PREX2: variants seen among roughly 807,000 people sequenced by gnomAD.
PREX2 encodes phosphatidylinositol 3,4,5-trisphosphate-dependent Rac exchanger 2 protein.
Under a neutral mutation model 203.2 loss-of-function variants are expected in PREX2, and 107 were observed. The ratio of observed to expected loss-of-function variants is 0.53; its 90% CI spans 0.45 to 0.62. The LOEUF is 0.62. Ranked by LOEUF, PREX2 falls within the 20% of genes least tolerant of loss-of-function variation. PREX2 has a pLI of 0.00. For missense variants in PREX2, 1,777 were observed against 1,955.9 expected (o/e 0.91, Z 1.72); for synonymous variants, 672 against 663.6 (o/e 1.01, Z -0.19).
In PREX2 at chr8:68,140,015, A is replaced by G. The variant is rs186519972; in HGVS notation, c.4087+1498A>G. ...TGTTGTTTAAAGTTTTGCCTGAGGAACTGTAAGTTCATAGGAGTACTGTTT... is the reference window on the plus strand; with the variant it reads ...TGTTGTTTAAAGTTTTGCCTGAGGAGCTGTAAGTTCATAGGAGTACTGTTT... On this transcript the variant is annotated intron_variant, in intron 33 of 39. Coordinates refer to ENST00000288368, the MANE Select transcript of PREX2 (RefSeq NM_024870.4). Among the ~76,000 whole-genome samples the G allele has an allele frequency of 1.4e-3, 209 of 152,288 alleles. 1 individual carries two copies. The highest frequency in any genetic ancestry group is 6.8e-3 in the Middle Eastern group (2 of 294).
chr8:68,055,778 G>T, intron 9 of PREX2, 52 bp from the exon 10 acceptor site: 3 of 1,533,188 alleles, frequency 2.0e-6, no homozygotes, highest in South Asian at 2.3e-5. Context: ...ATAACTGAAT[G>T]AATGAATGAA....
intron 11 of PREX2, among the ~76,000 whole-genome samples, chr8:68,065,171 C>T (rs563975699): frequency 6.6e-6 from 1 of 152,330 alleles, no homozygotes; most frequent in African/African-American, 2.4e-5. Context: ...AAGGCAGAAG[C>T]ATTTGCCTTA....
Position 68,109,634 on chromosome 8 carries a change from T to C in PREX2, c.3146+11T>C. On this transcript the variant is annotated intron_variant, in intron 25 of 39. Transcript: ENST00000288368. ...TTGTCAAATAGATGAGTAAGTGTTT[T>C]GTACTACACTTTTAAGTTTGCCAAA... 6.2e-7 allele frequency: 1 copy of C among 1,602,366 alleles called. No individual in the cohort carries two copies. Among genetic ancestry groups the C allele is most frequent in the Non-Finnish European group, 8.5e-7 (1 of 1,172,060 alleles).
intron 1 of PREX2, among the ~76,000 whole-genome samples, chr8:68,009,214 G>GAATAACGACTAAAA (rs1807193706): frequency 6.6e-6 from 1 of 152,126 alleles, no homozygotes; most frequent in Non-Finnish European, 1.5e-5. Context: ...CATCGGAACT[G>GAATAACGACTAAAA]CATTCTTGAA....
At chr8:68,020,107 A>G (rs1443428138) in intron 3 of PREX2, among the ~76,000 whole-genome samples, 1 of 147,228 alleles carries the variant, frequency 6.8e-6, no homozygotes, top group African/African-American at 2.6e-5. Context: ...GAATAAACCC[A>G]GTAGCAGGAA....
rs1368544026 is a variant in PREX2 at position 68,146,220 on chromosome 8, A to G, written c.4099A>G (p.Thr1367Ala). The stretch of plus-strand genomic sequence containing the variant: ...AAATATCATTTTAGATGTTCCTCTT[A>G]CATATCAAGCAGAAGGAAGTCGGCA... ...EEPLVANVPL[T>A]YQAEGSRQAL... Residue 1367 changes from threonine (T) to alanine (A), a missense_variant, in exon 34 of 40, where the codon ACA (threonine) becomes GCA (alanine). Transcript: ENST00000288368. The G allele has an allele frequency of 2.5e-6, 4 of 1,606,708 alleles. No individual in the cohort carries two copies. The highest frequency in any genetic ancestry group is 1.7e-4 in the Middle Eastern group (1 of 5,902).
At chr8:67,986,601 A>G (rs952134192) in intron 1 of PREX2, among the ~76,000 whole-genome samples, 1 of 152,186 alleles carries the variant, frequency 6.6e-6, no homozygotes, top group Non-Finnish European at 1.5e-5. Context: ...TAAGTCATAG[A>G]TTTACATGTG....
At chr8:68,058,411 C>T (rs1241313251) in intron 10 of PREX2, among the ~76,000 whole-genome samples, 1 of 151,496 alleles carries the variant, frequency 6.6e-6, no homozygotes, top group Non-Finnish European at 1.5e-5. Flanking sequence ...CTCATTTAAT[C>T]CTTTGGTTGC....
Position 68,115,854 on chromosome 8 carries a change from A to G in PREX2, c.3248A>G (p.Lys1083Arg), listed in dbSNP as rs1475631893. Residue 1083 changes from lysine to arginine, a missense_variant, in exon 26 of 40, where the codon AAA becomes AGA. By Grantham distance (26) the Lys-to-Arg change is conservative. Transcript: ENST00000288368. Reference sequence around the variant, plus strand: ...AATGAGAAGGGAGAAAGAAACAGCAAACGGGTATGTTTTAATGTAGCAGGA... The same window carrying G: ...AATGAGAAGGGAGAAAGAAACAGCAGACGGGTATGTTTTAATGTAGCAGGA... ...SDNEKGERNS[K>R]RVCFNVAGDE... The G allele has an allele frequency of 1.2e-6, 2 of 1,614,088 alleles. No homozygotes were observed. The highest frequency in any genetic ancestry group is 1.1e-5 in the South Asian group (1 of 91,088).
chr8:68,165,926 C>G (rs752582187), intron 35 of PREX2, among the ~76,000 whole-genome samples: 1 of 152,066 alleles, frequency 6.6e-6, no homozygotes, highest in African/African-American at 2.4e-5. Flanking sequence ...AAAAATGAAG[C>G]CCAAATTTCA....
At chr8:68,033,515 G>T (rs1225370451) in intron 6 of PREX2, among the ~76,000 whole-genome samples, 5 of 152,104 alleles carry the variant, frequency 3.3e-5, no homozygotes, top group African/African-American at 1.2e-4. Flanking sequence ...GAAACTAAAA[G>T]AAAAATTAGT....
At chr8:68,027,195 A>T in intron 4 of PREX2, 27 bp from the exon 5 acceptor site, 1 of 1,501,990 alleles carries the variant, frequency 6.7e-7, no homozygotes, top group Non-Finnish European at 9.3e-7. Flanking sequence ...TTAAAGATGT[A>T]ATTAATTTTG....
chr8:68,210,412 C>T (rs1812720807), intron 37 of PREX2, among the ~76,000 whole-genome samples: 1 of 152,058 alleles, frequency 6.6e-6, no homozygotes, highest in Non-Finnish European at 1.5e-5. Flanking sequence ...TTTGGGGTTG[C>T]CCTCAGGAAA....
chr8:67,978,591 G>C (rs1013750187), intron 1 of PREX2, among the ~76,000 whole-genome samples: 2 of 151,986 alleles, frequency 1.3e-5, no homozygotes, highest in East Asian at 1.9e-4. Context: ...AATGTAATAC[G>C]CTTCATCCAT....
At chr8:68,077,730 A>G (rs747186191) in intron 15 of PREX2, among the ~76,000 whole-genome samples, 1 of 152,190 alleles carries the variant, frequency 6.6e-6, no homozygotes, top group East Asian at 1.9e-4. Flanking sequence ...TAGAAGAACA[A>G]TGGCTTGAGC....
At chr8:68,100,822 T>C (rs1810241924) in intron 23 of PREX2, among the ~76,000 whole-genome samples, 1 of 152,170 alleles carries the variant, frequency 6.6e-6, no homozygotes, top group Non-Finnish European at 1.5e-5. Flanking sequence ...TGAAAGATCA[T>C]GCTTTTGTAG....
chr8:68,150,266 G>A (rs1811408696), intron 34 of PREX2, among the ~76,000 whole-genome samples: 1 of 152,172 alleles, frequency 6.6e-6, no homozygotes, highest in Non-Finnish European at 1.5e-5. Context: ...CTGGATGGGG[G>A]AGGGGATAAT....
At chr8:68,208,108 A>T (rs896869268) in intron 37 of PREX2, among the ~76,000 whole-genome samples, 1 of 152,196 alleles carries the variant, frequency 6.6e-6, no homozygotes, top group Admixed American at 6.5e-5. Context: ...CAATGGAAAG[A>T]GGCCAGACAG....
chr8:68,216,512 G>C lies in PREX2; in HGVS notation c.4605-1104G>C, dbSNP rs146545361. On this transcript the variant is annotated intron_variant, in intron 37 of 39. Transcript: ENST00000288368. ...CTAAAATTGACAATTTTTATGAAATGTATGCAAAAGAACATTTTTTTAATG... is the reference window on the plus strand; with the variant it reads ...CTAAAATTGACAATTTTTATGAAATCTATGCAAAAGAACATTTTTTTAATG... 2.2e-3 allele frequency among the ~76,000 whole-genome samples: 332 copies of C among 151,398 alleles called. 2 individuals are homozygous for C. The highest frequency in any genetic ancestry group is 7.9e-3 in the African/African-American group (321 of 40,864).
Sources: gnomAD v4.1 joint callset for allele counts (sites outside exome capture counted in the v4.1 genomes callset) on GRCh38, gnomAD v4.1.1 for gene constraint, MANE v1.5 for transcripts, NCBI Gene and HGNC (gene_info 2026-07-23, HGNC 2026-07-21) for gene names.